Variants in SERPINI2 observed in about 807,000 individuals in gnomAD.
SERPINI2 encodes serpin family I member 2, also known as serpin I2.
A neutral mutation model predicts 47.3 loss-of-function variants in SERPINI2; 48 were observed. The observed-to-expected ratio is 1.02, with a 90% CI of 0.81 to 1.29. The LOEUF (loss-of-function observed/expected upper bound fraction) is 1.29, where lower values mean the gene tolerates loss of function less well. SERPINI2 is among the 50% of genes most tolerant of loss of function. The pLI is 0.00. For synonymous variants in SERPINI2, 135 were observed against 149.3 expected (o/e 0.90, Z 0.70); for missense variants, 448 against 456.9 (o/e 0.98, Z 0.18).
At chr3:167,442,932 G>T (rs575587593) in intron 8 of SERPINI2, among the ~76,000 whole-genome samples, 1 of 152,056 alleles carries the variant, frequency 6.6e-6, no homozygotes, top group South Asian at 2.1e-4. Flanking sequence ...TTTCAAAGGC[G>T]ACAAATTTTG....
intron 8 of SERPINI2, among the ~76,000 whole-genome samples, chr3:167,444,578 G>GA (rs147264344): frequency 1.1e-3 from 167 of 152,276 alleles, no homozygotes; most frequent in African/African-American, 3.9e-3. Flanking sequence ...ATTTGTGAGA[G>GA]AAAAATTGAT....
intron 7 of SERPINI2, among the ~76,000 whole-genome samples, chr3:167,448,876 G>A (rs561372698): frequency 5.3e-5 from 8 of 152,224 alleles, no homozygotes; most frequent in African/African-American, 1.9e-4. Context: ...TGCAGGTTAA[G>A]TTTGAGAGCC....
exon 8 of SERPINI2, chr3:167,446,469 G>A (rs1560229344): frequency 1.9e-6 from 3 of 1,601,862 alleles, no homozygotes; most frequent in East Asian, 4.5e-5. Context: ...CATGATCACA[G>A]GGATGTGTAT....
chr3:167,445,590 A>G (rs1749454549), intron 8 of SERPINI2, among the ~76,000 whole-genome samples: 2 of 152,330 alleles, frequency 1.3e-5, no homozygotes, highest in South Asian at 2.1e-4. Flanking sequence ...TACTATGTGC[A>G]AGGCATTTTG....
chr3:167,465,617 G>A, exon 4 of SERPINI2: 2 of 1,613,260 alleles, frequency 1.2e-6, no homozygotes, highest in Non-Finnish European at 8.5e-7. Flanking sequence ...GCATTCACCA[G>A]GACAAGCCGA....
At chr3:167,457,051 G>T (rs1749814407) in intron 5 of SERPINI2, among the ~76,000 whole-genome samples, 2 of 152,034 alleles carry the variant, frequency 1.3e-5, no homozygotes, top group South Asian at 4.1e-4. Flanking sequence ...TCAGTAATCT[G>T]GTTTCAACAA....
chr3:167,451,062 C>T (rs528088381), intron 6 of SERPINI2, among the ~76,000 whole-genome samples: 2 of 152,256 alleles, frequency 1.3e-5, no homozygotes, highest in South Asian at 2.1e-4. Context: ...GAAAACAATA[C>T]GTTTGCTAGA....
At chr3:167,464,385 C>T (rs918959763) in intron 5 of SERPINI2, among the ~76,000 whole-genome samples, 8 of 151,864 alleles carry the variant, frequency 5.3e-5, no homozygotes, top group African/African-American at 1.9e-4. Flanking sequence ...ATAAAGGAGA[C>T]AAAAACATTA....
At chr3:167,446,195 T>C (rs1403815149) in intron 8 of SERPINI2, among the ~76,000 whole-genome samples, 197 bp downstream of exon 8, 1 of 152,160 alleles carries the variant, frequency 6.6e-6, no homozygotes, top group Non-Finnish European at 1.5e-5. Flanking sequence ...ATAGTAGCCA[T>C]GATGGCAGCC....
intron 2 of SERPINI2, among the ~76,000 whole-genome samples, chr3:167,469,924 T>G (rs1160245434): frequency 6.6e-6 from 1 of 152,132 alleles, no homozygotes; most frequent in Non-Finnish European, 1.5e-5. Flanking sequence ...AACAAAGTAA[T>G]TATAAATATT....
chr3:167,470,552 T>TG (rs1465556966), intron 2 of SERPINI2, among the ~76,000 whole-genome samples: 132 of 51,952 alleles, frequency 2.5e-3, no homozygotes, highest in African/African-American at 8.4e-3. Flanking sequence ...AGCAACAACT[T>TG]TTTTTTTTTT....
chr3:167,449,129 T>G (rs1355781038), intron 7 of SERPINI2, among the ~76,000 whole-genome samples, 187 bp downstream of exon 7: 3 of 152,220 alleles, frequency 2.0e-5, no homozygotes, highest in Admixed American at 6.5e-5. Flanking sequence ...TCCCTTCCTT[T>G]TTGTATCATG....
intron 5 of SERPINI2, among the ~76,000 whole-genome samples, chr3:167,461,125 A>C (rs1749970055): frequency 1.3e-5 from 2 of 152,204 alleles, no homozygotes; most frequent in Admixed American, 1.3e-4. Flanking sequence ...ATGGGAACTT[A>C]TTGGTCAGAC....
chr3:167,466,571 AT>A (rs1750139829), intron 3 of SERPINI2, among the ~76,000 whole-genome samples: 1 of 152,164 alleles, frequency 6.6e-6, no homozygotes, highest in Non-Finnish European at 1.5e-5. Context: ...CAACTATGAA[AT>A]TTTTTGCTAG....
chr3:167,474,038 C>A (rs1239068600), exon 1 of SERPINI2: 16 of 1,077,988 alleles, frequency 1.5e-5, no homozygotes, highest in Non-Finnish European at 1.7e-5. Flanking sequence ...TGGAATGTTA[C>A]AACTAAAATA....
At chr3:167,475,469 C>T (rs931216280), upstream of SERPINI2, among the ~76,000 whole-genome samples, 1 of 151,646 alleles carries the variant, frequency 6.6e-6, no homozygotes, top group Non-Finnish European at 1.5e-5. Context: ...TGGCAGAGAC[C>T]GTCACTCTGT....
intron 5 of SERPINI2, among the ~76,000 whole-genome samples, chr3:167,464,726 C>T (rs1434581467): frequency 6.6e-6 from 1 of 152,042 alleles, no homozygotes; most frequent in Admixed American, 6.6e-5. Context: ...TTTCAATTTC[C>T]ATTTTGTACT....
chr3:167,452,999 C>T (rs991894085), exon 6 of SERPINI2: 16 of 1,602,058 alleles, frequency 1.0e-5, no homozygotes, highest in South Asian at 2.3e-5. Context: ...GAATACAAAA[C>T]GTCTTTGAAG....
At chr3:167,472,568 T>C (rs1038837982) in intron 1 of SERPINI2, among the ~76,000 whole-genome samples, 2 of 151,894 alleles carry the variant, frequency 1.3e-5, no homozygotes, top group Non-Finnish European at 2.9e-5. Context: ...TATACCCATG[T>C]AGCAAACCTG....
Sources: allele counts gnomAD v4.1 joint callset (sites outside exome capture counted in the v4.1 genomes callset), GRCh38; gene constraint gnomAD v4.1.1; transcripts MANE v1.5; gene names NCBI Gene and HGNC (gene_info 2026-07-23, HGNC 2026-07-21).